BEND5: variants seen among roughly 807,000 people sequenced by gnomAD.
BEND5 encodes BEN domain-containing protein 5.
BEND5 carries 22 observed loss-of-function variants against 43.9 expected under a neutral mutation model. The observed-to-expected ratio is 0.50, with a 90% CI of 0.36 to 0.72. The LOEUF (loss-of-function observed/expected upper bound fraction) is 0.72, where lower values mean the gene tolerates loss of function less well. Among genes scored for constraint, BEND5 ranks in the 30% least tolerant of loss-of-function variants. The probability of loss-of-function intolerance (pLI) is 0.00; values close to 1 mark genes in which losing one functional copy is unlikely to be tolerated. For missense variants in BEND5, 428 were observed against 550.6 expected (o/e 0.78, Z 2.23); for synonymous variants, 228 against 225.9 (o/e 1.01, Z -0.08).
At position 48,761,374 on chromosome 1, in the gene BEND5, T is replaced by C. The variant is rs1404636640; in HGVS notation, c.323A>G (p.Asp108Gly). ...NHVEEDGEVK[D>G]YGEEDLQLRH... The stretch of plus-strand genomic sequence containing the variant: ...AAGCTGTAAATCTTCTTCCCCATAA[T>C]CTTTAACCTCTCCATCTTCTTCTAC... Residue 108 changes from aspartate to glycine, a missense_variant, in exon 2 of 6, where the codon GAT (aspartate) becomes GGT (glycine). Around this residue, in one of 4 missense-constraint regions of BEND5, gnomAD observed 243 missense variants for 286.4 expected, o/e 0.85. Coordinates refer to ENST00000371833, the MANE Select transcript of BEND5 (RefSeq NM_024603.4). 30 of 1,551,934 alleles carry C rather than the reference T, an allele frequency of 1.9e-5. No homozygotes were observed. The highest frequency in any genetic ancestry group is 2.6e-5 in the Non-Finnish European group (30 of 1,147,054).
At chr1:48,769,371 C>T (rs1415014378) in intron 1 of BEND5, among the ~76,000 whole-genome samples, 6 of 152,114 alleles carry the variant, frequency 3.9e-5, no homozygotes, top group Admixed American at 3.3e-4. Flanking sequence ...GAAGTTCATT[C>T]TATGGAGCCA....
chr1:48,760,714 T>G (rs1644212505), intron 2 of BEND5, among the ~76,000 whole-genome samples: 1 of 152,172 alleles, frequency 6.6e-6, no homozygotes, highest in African/African-American at 2.4e-5. Flanking sequence ...CCATGGTCAA[T>G]GCAGAAGACA....
intron 1 of BEND5, among the ~76,000 whole-genome samples, chr1:48,773,853 G>A (rs992659507): frequency 6.6e-6 from 1 of 152,164 alleles, no homozygotes; most frequent in South Asian, 2.1e-4. Context: ...TCACTTAGAG[G>A]ACTAACAGAG....
In BEND5 at chr1:48,774,105, G is replaced by C. The variant is rs1570628811; in HGVS notation, c.226+2501C>G. ...CATACTTCTCACCAAAAGCCAGAAA[G>C]CTGTGCTGAAACTACCTTGGAAACC... On this transcript the variant is annotated intron_variant, in intron 1 of 5. Transcript: ENST00000371833. 8.5e-5 allele frequency among the ~76,000 whole-genome samples: 13 copies of C among 152,340 alleles called. No homozygotes were observed. In the South Asian group the frequency reaches 2.5e-3, roughly 29 times the overall value.
chr1:48,771,687 C>T (rs1026813845), intron 1 of BEND5, among the ~76,000 whole-genome samples: 2 of 152,208 alleles, frequency 1.3e-5, no homozygotes, highest in Non-Finnish European at 2.9e-5. Flanking sequence ...ACTGATGACA[C>T]GCAACAATCT....
chr1:48,769,279 G>T (rs927001053), intron 1 of BEND5, among the ~76,000 whole-genome samples: 2 of 152,036 alleles, frequency 1.3e-5, no homozygotes, highest in Admixed American at 1.3e-4. Flanking sequence ...GGAATTGCTA[G>T]CCAGGTTTCA....
Position 48,761,326 on chromosome 1 carries a change from G to C in BEND5, c.360+11C>G. The C allele has an allele frequency of 6.5e-7, 1 of 1,542,006 alleles. No homozygotes were observed. The highest frequency in any genetic ancestry group is 8.7e-7 in the Non-Finnish European group (1 of 1,143,140). ...CCAGCATACCTCCAAAGAAAGGAAAGATTTTGTTACCTTGATGTGTCTAAG... is the reference window on the plus strand; with the variant it reads ...CCAGCATACCTCCAAAGAAAGGAAACATTTTGTTACCTTGATGTGTCTAAG... On this transcript the variant is annotated intron_variant, in intron 2 of 5. Transcript: ENST00000371833.
At chr1:48,761,297 T>C (rs572740803) in intron 2 of BEND5, 40 bp downstream of exon 2, 7 of 1,520,132 alleles carry the variant, frequency 4.6e-6, no homozygotes, top group Middle Eastern at 1.7e-4. Context: ...TATCTGAAAA[T>C]GCTCCAGCAT....
chr1:48,759,662 T>C (rs995601818), intron 2 of BEND5, among the ~76,000 whole-genome samples: 2 of 152,204 alleles, frequency 1.3e-5, no homozygotes, highest in Non-Finnish European at 2.9e-5. Flanking sequence ...GTGTTCAATA[T>C]GTATTTGTGG....
intron 2 of BEND5, among the ~76,000 whole-genome samples, chr1:48,759,664 T>C (rs951186189): frequency 1.3e-5 from 2 of 152,208 alleles, no homozygotes; most frequent in African/African-American, 4.8e-5. Context: ...GTTCAATATG[T>C]ATTTGTGGAG....
intron 1 of BEND5, among the ~76,000 whole-genome samples, chr1:48,769,526 A>AACACACACAC (rs558937968): frequency 0.021 from 2,676 of 130,242 alleles, 43 homozygotes; most frequent in African/African-American, 0.034. Context: ...GAGGATTTAA[A>AACACACACAC]ACACACACAC....
intron 1 of BEND5, among the ~76,000 whole-genome samples, chr1:48,769,526 A>AACACACACACACACACAC (rs558937968): frequency 6.1e-5 from 8 of 130,216 alleles, no homozygotes; most frequent in African/African-American, 8.7e-5. Flanking sequence ...GAGGATTTAA[A>AACACACACACACACACAC]ACACACACAC....
intron 4 of BEND5, among the ~76,000 whole-genome samples, chr1:48,737,600 C>T (rs563637651): frequency 2.0e-4 from 30 of 152,246 alleles, no homozygotes; most frequent in Middle Eastern, 3.4e-3. Flanking sequence ...TTGATTCCGA[C>T]GGCACAAAGA....
At chr1:48,735,819 G>A (rs1648951182) in intron 5 of BEND5, among the ~76,000 whole-genome samples, 1 of 151,516 alleles carries the variant, frequency 6.6e-6, no homozygotes, top group African/African-American at 2.4e-5. Context: ...CCATCTCCAT[G>A]CCTTTGTTCA....
chr1:48,732,785 A>G (rs947454549), intron 5 of BEND5, among the ~76,000 whole-genome samples: 5 of 152,210 alleles, frequency 3.3e-5, no homozygotes, highest in African/African-American at 4.8e-5. Context: ...ACTGAAGGCA[A>G]TGGGAACAAT....
chr1:48,747,162 T>G (rs995627336), intron 3 of BEND5, among the ~76,000 whole-genome samples: 3 of 152,232 alleles, frequency 2.0e-5, no homozygotes, highest in Admixed American at 2.0e-4. Flanking sequence ...AGCACTTGCG[T>G]TAAGAGACAG....
chr1:48,768,248 G>A (rs1379121506), intron 1 of BEND5, among the ~76,000 whole-genome samples: 3 of 152,076 alleles, frequency 2.0e-5, no homozygotes, highest in African/African-American at 7.2e-5. Flanking sequence ...CACCCTAAGA[G>A]AATACTGTGA....
At chr1:48,747,048 AC>A (rs1372378141) in intron 3 of BEND5, among the ~76,000 whole-genome samples, 6 of 152,248 alleles carry the variant, frequency 3.9e-5, no homozygotes, top group African/African-American at 1.4e-4. Context: ...TTGGCAATTT[AC>A]ATCTCATTAC....
chr1:48,736,279 A>G lies in BEND5; in HGVS notation c.1068T>C (p.Pro356=), dbSNP rs1380932429. Residue 356 remains proline (P), a synonymous_variant, in exon 5 of 6, where the codon CCT becomes CCC. Coordinates refer to ENST00000371833, the MANE Select transcript of BEND5 (RefSeq NM_024603.4). This position sits in a 1 kb window ranked among gnomAD's most constrained non-coding sequence, Gnocchi z 4.0. ...VATKKKKDAV[P]KPPLSPHKLS... ...GTTTGTGAGGCGAGAGGGGTGGTTT[A>G]GGGACTGCATCTTTCTTTTTTTTTG... The G allele has an allele frequency of 6.2e-7, 1 of 1,614,170 alleles. No homozygotes were observed. The highest frequency in any genetic ancestry group is 8.5e-7 in the Non-Finnish European group (1 of 1,180,006).
Sources: gnomAD v4.1 joint callset for allele counts (sites outside exome capture counted in the v4.1 genomes callset) on GRCh38, gnomAD v4.1.1 for gene constraint, gnomAD v4.1.1 regional missense constraint, Gnocchi (gnomAD v3.1) non-coding constraint, MANE v1.5 for transcripts, NCBI Gene and HGNC (gene_info 2026-07-23, HGNC 2026-07-21) for gene names.